The following IQCJ variants were observed in gnomAD, a reference collection of about 807,000 sequenced individuals.
IQCJ encodes IQ domain-containing protein J.
In IQCJ, 9 loss-of-function variants were observed where a neutral mutation model predicts 11.0. The ratio of observed to expected loss-of-function variants is 0.82; its 90% CI spans 0.49 to 1.43. The LOEUF is 1.43. Ranked by LOEUF, IQCJ falls within the 40% of genes most tolerant of loss-of-function variation. The pLI is 0.00. For synonymous variants in IQCJ, 55 were observed against 51.3 expected (o/e 1.07, Z -0.31); for missense variants, 146 against 133.2 (o/e 1.10, Z -0.47).
chr3:159,201,182 A>T (rs976274874), intron 1 of IQCJ, among the ~76,000 whole-genome samples: 1 of 152,220 alleles, frequency 6.6e-6, no homozygotes, highest in African/African-American at 2.4e-5. Flanking sequence ...GAAACTGAAA[A>T]GTAATAGGCT....
intron 1 of IQCJ, among the ~76,000 whole-genome samples, chr3:159,210,474 G>A (rs1429013131): frequency 6.6e-6 from 1 of 152,102 alleles, no homozygotes; most frequent in East Asian, 1.9e-4. Context: ...GAGATTAAGT[G>A]TGTAATGGTA....
intron 1 of IQCJ, among the ~76,000 whole-genome samples, chr3:159,129,048 C>A (rs1577027317): frequency 6.6e-6 from 1 of 152,014 alleles, no homozygotes; most frequent in Non-Finnish European, 1.5e-5. Flanking sequence ...TCAACAACAA[C>A]AATAACAACA....
intron 1 of IQCJ, among the ~76,000 whole-genome samples, chr3:159,131,137 G>T (rs61340765): frequency 0.25 from 38,405 of 152,106 alleles, 5,920 homozygotes; most frequent in South Asian, 0.4. Flanking sequence ...GGAGGTAGAA[G>T]TCCTGGGTTC....
intron 1 of IQCJ, among the ~76,000 whole-genome samples, chr3:159,163,409 T>C (rs950237442): frequency 1.3e-5 from 2 of 152,176 alleles, no homozygotes; most frequent in Non-Finnish European, 2.9e-5. Flanking sequence ...AATTAGGTAT[T>C]GATGGGACGT....
At chr3:159,081,150 T>G (rs1405880396) in intron 1 of IQCJ, among the ~76,000 whole-genome samples, 2 of 152,108 alleles carry the variant, frequency 1.3e-5, no homozygotes, top group South Asian at 4.1e-4. Flanking sequence ...AGTGCTGTCT[T>G]GTAGGTGTCT....
chr3:159,220,858 G>C (rs1725495583), intron 1 of IQCJ, among the ~76,000 whole-genome samples: 1 of 152,130 alleles, frequency 6.6e-6, no homozygotes. Context: ...CAGTTCAGGT[G>C]ACTTGCCCAA....
At chr3:159,118,120 C>T (rs1014736108) in intron 1 of IQCJ, among the ~76,000 whole-genome samples, 4 of 152,134 alleles carry the variant, frequency 2.6e-5, no homozygotes, top group Non-Finnish European at 4.4e-5. Flanking sequence ...CCTTCTATGT[C>T]TTTAGTTTCA....
At chr3:159,074,784 T>C (rs1212155093) in intron 1 of IQCJ, among the ~76,000 whole-genome samples, 1 of 152,078 alleles carries the variant, frequency 6.6e-6, no homozygotes, top group Non-Finnish European at 1.5e-5. Flanking sequence ...TTACAGCCAG[T>C]TTGAGTAACG....
At chr3:159,182,821 A>G (rs1419515275) in intron 1 of IQCJ, among the ~76,000 whole-genome samples, 1 of 150,294 alleles carries the variant, frequency 6.7e-6, no homozygotes, top group East Asian at 1.9e-4. Flanking sequence ...TCTGTAATCT[A>G]TAGATAACAT....
At chr3:159,175,963 T>C (rs1201885466) in intron 1 of IQCJ, among the ~76,000 whole-genome samples, 1 of 152,222 alleles carries the variant, frequency 6.6e-6, no homozygotes, top group African/African-American at 2.4e-5. Flanking sequence ...CACATCTTTG[T>C]TGACACTTGA....
intron 1 of IQCJ, among the ~76,000 whole-genome samples, chr3:159,178,088 T>C (rs1400055010): frequency 2.0e-5 from 3 of 152,224 alleles, no homozygotes; most frequent in African/African-American, 4.8e-5. Flanking sequence ...TGTTTGCTGC[T>C]TGAAAGCAAA....
intron 1 of IQCJ, among the ~76,000 whole-genome samples, chr3:159,090,282 C>G (rs1463848860): frequency 6.6e-6 from 1 of 151,722 alleles, no homozygotes; most frequent in South Asian, 2.1e-4. Flanking sequence ...GCAGTCTGCC[C>G]GTTCTCAGAT....
intron 1 of IQCJ, among the ~76,000 whole-genome samples, chr3:159,182,694 G>A (rs1278337566): frequency 6.6e-6 from 1 of 151,864 alleles, no homozygotes; most frequent in South Asian, 2.1e-4. Flanking sequence ...AACAAAACAG[G>A]ATATCTTCAC....
intron 1 of IQCJ, among the ~76,000 whole-genome samples, chr3:159,169,287 T>C (rs1208075211): frequency 2.1e-5 from 3 of 143,504 alleles, no homozygotes; most frequent in Non-Finnish European, 3.0e-5. Flanking sequence ...TTCTTTTTTT[T>C]TTTTTTTTTT....
rs148827620 is a variant in IQCJ at position 159,123,906 on chromosome 3, G to A, written c.9+54465G>A. Among the ~76,000 whole-genome samples, 713 of 152,202 alleles carry A rather than the reference G, an allele frequency of 4.7e-3. 5 individuals carry two copies. Among genetic ancestry groups the A allele is most frequent in the African/African-American group, 0.016 (679 of 41,546 alleles). On this transcript the variant is annotated intron_variant, in intron 1 of 3. Transcript: ENST00000397832. ...ATATTAGAGACAGACCCACTTAAAT[G>A]TTTCTCTCCTTCCTAGGTTCTACTG... is the stretch of plus-strand genomic sequence containing the variant.
At chr3:159,086,671 T>A (rs536983447) in intron 1 of IQCJ, among the ~76,000 whole-genome samples, 1 of 152,016 alleles carries the variant, frequency 6.6e-6, no homozygotes, top group African/African-American at 2.4e-5. Flanking sequence ...TTTATTCTCT[T>A]TGAAGCAATT....
intron 1 of IQCJ, among the ~76,000 whole-genome samples, chr3:159,211,943 G>A (rs149084595): frequency 3.2e-4 from 48 of 151,962 alleles, no homozygotes; most frequent in Non-Finnish European, 5.3e-4. Flanking sequence ...TGTGGTGGAC[G>A]GTGTGGGTGA....
intron 1 of IQCJ, among the ~76,000 whole-genome samples, chr3:159,218,915 G>A (rs914054250): frequency 1.3e-5 from 2 of 151,946 alleles, no homozygotes; most frequent in African/African-American, 4.8e-5. Flanking sequence ...CAATTCACTC[G>A]TTTACCCCAG....
chr3:159,266,112 T>C (rs1728478287), downstream of IQCJ: 1 of 152,210 alleles, frequency 6.6e-6, no homozygotes, highest in South Asian at 2.1e-4. Context: ...CTATCAATGA[T>C]CATACAAAGA....
Sources: gnomAD v4.1 joint callset for allele counts (sites outside exome capture counted in the v4.1 genomes callset) on GRCh38, gnomAD v4.1.1 for gene constraint, MANE v1.5 for transcripts, NCBI Gene and HGNC (gene_info 2026-07-23, HGNC 2026-07-21) for gene names.